The following ADCY3 variants were observed in gnomAD, a reference collection of about 807,000 sequenced individuals.
ADCY3 encodes the protein adenylate cyclase type 3.
In ADCY3, 70 loss-of-function variants were observed where a neutral mutation model predicts 119.4. That is an observed-to-expected ratio of 0.59 (90% CI 0.48 to 0.72). The LOEUF is 0.72. Ranked by LOEUF, ADCY3 falls within the 30% of genes least tolerant of loss-of-function variation. The pLI is 0.00. For missense variants in ADCY3, 1,238 were observed against 1,541.6 expected, an observed-to-expected ratio of 0.80 and a Z score of 3.30; for synonymous variants, 672 against 621.4, an observed-to-expected ratio of 1.08 and a Z score of -1.21.
intron 3 of ADCY3, among the ~76,000 whole-genome samples, chr2:24,866,332 G>C (rs1283103818): frequency 6.6e-6 from 1 of 152,064 alleles, no homozygotes; most frequent in Admixed American, 6.6e-5. Flanking sequence ...AAAAATGCCA[G>C]GTGGCTAAAG....
Position 24,893,179 on chromosome 2 carries a change from G to A in ADCY3, c.676-20460C>T, listed in dbSNP as rs376516725. ...CTCCAAGGTAGCTAAGACTACCAGC[G>A]CATACCATCACCCCCAGCTAATTTT... On this transcript the variant is annotated intron_variant, in intron 2 of 21. Transcript: ENST00000679454. Among the ~76,000 whole-genome samples, 5 of 151,768 alleles carry A rather than the reference G, an allele frequency of 3.3e-5. No individual in the cohort carries two copies. The South Asian group carries it at 6.2e-4, about 19-fold the overall frequency.
rs1671168169 is a variant in ADCY3 at position 24,842,718 on chromosome 2, T to C, written c.826-334A>G. 2 of 302,680 alleles carry C rather than the reference T, an allele frequency of 6.6e-6. No homozygotes were observed. Among genetic ancestry groups the C allele is most frequent in the South Asian group, 7.6e-5 (2 of 26,182 alleles). 18.7% of individuals were successfully genotyped at this position (302,680 alleles called of 1,614,324 possible). On this transcript the variant is annotated intron_variant, in intron 3 of 21. Coordinates refer to ENST00000679454, the MANE Select transcript of ADCY3 (RefSeq NM_004036.5). The surrounding 1 kb of genome is among the most constrained non-coding windows in gnomAD (Gnocchi z 4.9). ...GCGTGGGCTGCTGCACCGTGAGCCC[T>C]CCCGGCAGGAGCCCTGCGGGGTCAC...
At position 24,841,217 on chromosome 2, in the gene ADCY3, C is replaced by T. The variant is rs776845179; in HGVS notation, c.1196+42G>A. 6.5e-7 allele frequency: 1 copy of T among 1,528,578 alleles called. No homozygotes were observed. Among genetic ancestry groups the T allele is most frequent in the Non-Finnish European group, 8.8e-7 (1 of 1,136,260 alleles). 94.7% of individuals were successfully genotyped at this position (1,528,578 alleles called of 1,614,324 possible). A position where few individuals can be genotyped will look rare whatever the true frequency, so the allele number is the denominator to read the frequency against. On this transcript the variant is annotated intron_variant, in intron 6 of 21. Transcript: ENST00000679454. This position sits in a 1 kb window ranked among gnomAD's most constrained non-coding sequence, Gnocchi z 5.8. Reference sequence around the variant, plus strand: ...CTTCTCCCTGGGTCCAGGGCCGGGGCCCTTGCTCTGGGAGCCTCCCTCCCA... The same window carrying T: ...CTTCTCCCTGGGTCCAGGGCCGGGGTCCTTGCTCTGGGAGCCTCCCTCCCA...
intron 11 of ADCY3, chr2:24,832,267 T>C (rs565410239): frequency 1.2e-5 from 2 of 162,496 alleles, no homozygotes; most frequent in South Asian, 1.8e-4. Flanking sequence ...CTGGGACATT[T>C]CCCAGAGAGG....
intron 8 of ADCY3, among the ~76,000 whole-genome samples, chr2:24,837,935 A>G (rs764189280): frequency 1.1e-4 from 17 of 151,924 alleles, no homozygotes; most frequent in Non-Finnish European, 1.6e-4. Flanking sequence ...TCTTCTTCCA[A>G]TGTGGCCCAG....
chr2:24,914,943 G>A (rs575230947), intron 2 of ADCY3, among the ~76,000 whole-genome samples: 1 of 152,016 alleles, frequency 6.6e-6, no homozygotes, highest in Non-Finnish European at 1.5e-5. Context: ...TGCTCTTCCT[G>A]TCAGAACCCC....
At chr2:24,838,172 G>A (rs934478553) in intron 8 of ADCY3, among the ~76,000 whole-genome samples, 8 of 151,046 alleles carry the variant, frequency 5.3e-5, no homozygotes, top group African/African-American at 9.7e-5. Context: ...TCTCCTGGGC[G>A]CCACCGACAC....
chr2:24,831,619 C>A, intron 12 of ADCY3, 43 bp downstream of exon 12: 1 of 1,499,030 alleles, frequency 6.7e-7, no homozygotes, highest in South Asian at 1.1e-5. Flanking sequence ...GAGTGCCACT[C>A]ACTTCCAGAG....
At position 24,842,361 on chromosome 2, in the gene ADCY3, C is replaced by T; in HGVS notation, c.849G>A (p.Leu283=). 1 of 1,614,142 alleles carries T rather than the reference C, an allele frequency of 6.2e-7. No individual in the cohort carries two copies. The highest frequency in any genetic ancestry group is 8.5e-7 in the Non-Finnish European group (1 of 1,180,040). ...GCATCTCGTCAGCCACGTGCTTGGGCAGGATGGAAAGCATGAGGTTCTCCT... is the reference window on the plus strand; with the variant it reads ...GCATCTCGTCAGCCACGTGCTTGGGTAGGATGGAAAGCATGAGGTTCTCCT... ...QQQENLMLSI[L]PKHVADEMLK... is the part of the protein sequence containing the mutation. Residue 283 remains leucine (L), a synonymous_variant, in exon 4 of 22, where the codon CTG becomes CTA. Coordinates refer to ENST00000679454, the MANE Select transcript of ADCY3 (RefSeq NM_004036.5). This position sits in a 1 kb window ranked among gnomAD's most constrained non-coding sequence, Gnocchi z 4.9.
At position 24,819,886 on chromosome 2, in the gene ADCY3, A is replaced by AAT; in HGVS notation, c.*44_*45dup. 3 of 1,591,096 alleles carry AAT rather than the reference A, an allele frequency of 1.9e-6. No homozygotes were observed. The highest frequency in any genetic ancestry group is 1.7e-6 in the Non-Finnish European group (2 of 1,167,422). On this transcript the variant is annotated 3_prime_UTR_variant, in exon 22 of 22. Transcript: ENST00000679454. ...GTCGGGACTTCCTTCAGTTTCAAAAAATAAATTCTCCCTTCCGGTTTGGAC... is the reference window on the plus strand; with the variant it reads ...GTCGGGACTTCCTTCAGTTTCAAAAAATATAAATTCTCCCTTCCGGTTTGGAC...
chr2:24,889,954 G>A (rs1456832923), intron 2 of ADCY3, among the ~76,000 whole-genome samples: 1 of 152,214 alleles, frequency 6.6e-6, no homozygotes, highest in Non-Finnish European at 1.5e-5. Flanking sequence ...TAAATATGAT[G>A]TAGGTTTTGC....
intron 16 of ADCY3, chr2:24,825,732 G>A: frequency 2.8e-6 from 1 of 353,884 alleles, no homozygotes; most frequent in Non-Finnish European, 5.2e-6. Context: ...CGGGGGCCAT[G>A]AGCCCCTGGC....
chr2:24,827,451 G>T, intron 15 of ADCY3, 95 bp downstream of exon 15: 1 of 1,400,412 alleles, frequency 7.1e-7, no homozygotes, highest in South Asian at 1.2e-5. Flanking sequence ...CGTGCCTCCC[G>T]GGAGGGTGAG....
chr2:24,820,001 C>G lies in ADCY3; in HGVS notation c.3366G>C (p.Arg1122=). The G allele has an allele frequency of 1.9e-6, 3 of 1,612,986 alleles. No individual in the cohort carries two copies. Among genetic ancestry groups the G allele is most frequent in the Non-Finnish European group, 2.5e-6 (3 of 1,179,498 alleles). ...CATTGGGGAAGGTGGCTAGCTTATC[C>G]CGCCCCTTCAAGAAGAAGGTCAGCA... ...GELLTFFLKG[R]DKLATFPNGP... is the part of the protein sequence containing the mutation. Residue 1122 remains arginine (R), a synonymous_variant, in exon 22 of 22, where the codon CGG becomes CGC. Transcript: ENST00000679454.
intron 15 of ADCY3, chr2:24,826,863 C>T (rs750396100): frequency 1.3e-5 from 2 of 152,660 alleles, no homozygotes; most frequent in Admixed American, 1.3e-4. Flanking sequence ...TTTTCTAACA[C>T]GGTTGTACTA....
chr2:24,822,395 T>TG (rs1317523385), intron 19 of ADCY3, 116 bp downstream of exon 19: 2 of 1,378,982 alleles, frequency 1.5e-6, no homozygotes, highest in Non-Finnish European at 2.0e-6. Flanking sequence ...GTGCTGGTGG[T>TG]GTGTGTCTGG....
At chr2:24,820,953 C>T in intron 20 of ADCY3, 105 bp from the exon 21 acceptor site, 1 of 1,476,698 alleles carries the variant, frequency 6.8e-7, no homozygotes, top group Non-Finnish European at 9.2e-7. Flanking sequence ...CCTAATGTAA[C>T]ACATCATTGT....
At chr2:24,854,197 C>A (rs1344701333) in intron 3 of ADCY3, among the ~76,000 whole-genome samples, 1 of 152,244 alleles carries the variant, frequency 6.6e-6, no homozygotes, top group East Asian at 1.9e-4. Flanking sequence ...TCACTTGAAG[C>A]TACTTTTTAT....
intron 3 of ADCY3, among the ~76,000 whole-genome samples, chr2:24,852,652 C>T (rs1425282973): frequency 1.3e-5 from 2 of 152,344 alleles, no homozygotes; most frequent in African/African-American, 4.8e-5. Context: ...CCCCGGACCT[C>T]GACAGAGGCC....
Sources: allele counts gnomAD v4.1 joint callset (sites outside exome capture counted in the v4.1 genomes callset), GRCh38; gene constraint gnomAD v4.1.1; non-coding constraint Gnocchi (gnomAD v3.1); transcripts MANE v1.5; gene names NCBI Gene and HGNC (gene_info 2026-07-23, HGNC 2026-07-21).